The following ZNF510 variants were observed in gnomAD, a reference collection of about 807,000 sequenced individuals.
ZNF510 encodes the protein zinc finger protein 510.
In ZNF510, 15 loss-of-function variants were observed where a neutral mutation model predicts 18.1. The ratio of observed to expected loss-of-function variants is 0.83; its 90% CI spans 0.55 to 1.28. The LOEUF (loss-of-function observed/expected upper bound fraction) is 1.28. Ranked by LOEUF, ZNF510 falls within the 50% of genes most tolerant of loss-of-function variation. ZNF510 has a pLI of 0.00. For synonymous variants in ZNF510, 261 were observed against 266.4 expected (o/e 0.98, Z 0.20); for missense variants, 724 against 791.8 (o/e 0.91, Z 1.03).
chr9:96,767,466 T>C (rs1247036075), intron 3 of ZNF510, among the ~76,000 whole-genome samples: 5 of 152,210 alleles, frequency 3.3e-5, no homozygotes, highest in African/African-American at 1.2e-4. Context: ...GTGAAATTTA[T>C]AGCTGTAACA....
chr9:96,777,691 C>A (rs1290084564), intron 1 of ZNF510: 1 of 152,208 alleles, frequency 6.6e-6, no homozygotes, highest in African/African-American at 2.4e-5. Context: ...CCTCTCACCG[C>A]AGACCCACGG....
rs1411430211 is a variant in ZNF510 at position 96,756,559 on chromosome 9, C to T, written c.*2219G>A. On this transcript the variant is annotated 3_prime_UTR_variant, in exon 6 of 6. Coordinates refer to ENST00000223428, the MANE Select transcript of ZNF510 (RefSeq NM_014930.3). ...TCCTGAATGCCCCATTTTCATTCCA[C>T]AAGTGAGGCTTGCTGGGTCCTTTTC... is the stretch of plus-strand genomic sequence containing the variant. 6.6e-6 allele frequency: 1 copy of T among 152,250 alleles called. No individual in the cohort carries two copies. 9.4% of individuals were successfully genotyped at this position (152,250 alleles called of 1,614,324 possible).
chr9:96,762,518 AAAAAAG>A (rs1304800315), intron 5 of ZNF510, among the ~76,000 whole-genome samples: 4 of 150,598 alleles, frequency 2.7e-5, no homozygotes, highest in African/African-American at 7.5e-5. Context: ...CAAAAAAAAA[AAAAAAG>A]AAAAGAAAAA....
rs199865447 is a variant in ZNF510 at position 96,757,926 on chromosome 9, C to T, written c.*852G>A. On this transcript the variant is annotated 3_prime_UTR_variant, in exon 6 of 6. Coordinates refer to ENST00000223428, the MANE Select transcript of ZNF510 (RefSeq NM_014930.3). ...GTGACTAACTGGCAGATAGTGTATA[C>T]ACTGTGGATATGCTAGACTAAGGAA... 2.6e-5 allele frequency: 4 copies of T among 152,012 alleles called. No homozygotes were observed. Among genetic ancestry groups the T allele is most frequent in the African/African-American group, 9.7e-5 (4 of 41,440 alleles). 9.4% of individuals were successfully genotyped at this position (152,012 alleles called of 1,614,324 possible).
chr9:96,768,440 A>ATT (rs1849521096), intron 3 of ZNF510, among the ~76,000 whole-genome samples: 1 of 152,206 alleles, frequency 6.6e-6, no homozygotes, highest in Non-Finnish European at 1.5e-5. Flanking sequence ...AGACCATGAG[A>ATT]TTTAATACAT....
intron 3 of ZNF510, among the ~76,000 whole-genome samples, chr9:96,767,992 G>C (rs942162632): frequency 1.3e-5 from 2 of 152,052 alleles, no homozygotes; most frequent in African/African-American, 4.8e-5. Context: ...ACCAAATCTT[G>C]CAACAAATAA....
chr9:96,758,362 T>C lies in ZNF510; in HGVS notation c.*416A>G, dbSNP rs1588124430. On this transcript the variant is annotated 3_prime_UTR_variant, in exon 6 of 6. Transcript: ENST00000223428. ...TCAGACTGGGATGTGATATACATCA[T>C]GGACATCCACATCTTAGTAGCCAGT... The C allele has an allele frequency of 6.1e-6, 1 of 163,682 alleles. No individual in the cohort carries two copies. Among genetic ancestry groups the C allele is most frequent in the East Asian group, 1.8e-4 (1 of 5,596 alleles). The allele number at this position is 163,682 out of a possible 1,614,324, so 10.1% of individuals were successfully genotyped here.
At position 96,763,488 on chromosome 9, in the gene ZNF510, T is replaced by A; in HGVS notation, c.256+18A>T. The A allele has an allele frequency of 1.3e-6, 2 of 1,593,310 alleles. No individual in the cohort carries two copies. Among genetic ancestry groups the A allele is most frequent in the Non-Finnish European group, 1.7e-6 (2 of 1,172,858 alleles). On this transcript the variant is annotated intron_variant, in intron 4 of 5. Transcript: ENST00000223428. ...TTCTATATGGAGTTACAAGGGTAAG[T>A]TATGTTTACATGCTTACCCACTGAG...
In ZNF510 at chr9:96,756,445, G is replaced by C. The variant is rs1477714998; in HGVS notation, c.*2333C>G. ...AAGCCAGCAACTTTGCTTCGTTCTG[G>C]AAAGAGGTGATACATTATTTCCCTT... is the stretch of plus-strand genomic sequence containing the variant. On this transcript the variant is annotated 3_prime_UTR_variant, in exon 6 of 6. Coordinates refer to ENST00000223428, the MANE Select transcript of ZNF510 (RefSeq NM_014930.3). 2 of 152,148 alleles carry C rather than the reference G, an allele frequency of 1.3e-5. No homozygotes were observed. The highest frequency in any genetic ancestry group is 1.9e-4 in the East Asian group (1 of 5,182). The allele number at this position is 152,148 out of a possible 1,614,324, so 9.4% of individuals were successfully genotyped here. A position where few individuals can be genotyped will look rare whatever the true frequency, so the allele number is the denominator to read the frequency against.
Position 96,756,609 on chromosome 9 carries a change from A to G in ZNF510, c.*2169T>C, listed in dbSNP as rs1380025550. On this transcript the variant is annotated 3_prime_UTR_variant, in exon 6 of 6. Coordinates refer to ENST00000223428, the MANE Select transcript of ZNF510 (RefSeq NM_014930.3). ...CATTTTGTTAGTTGTTGAGTCCAAG[A>G]CGACAAACTCCTAAAGTGGAATTTT... 2 of 152,198 alleles carry G rather than the reference A, an allele frequency of 1.3e-5. No homozygotes were observed. Among genetic ancestry groups the G allele is most frequent in the Non-Finnish European group, 2.9e-5 (2 of 68,052 alleles). 9.4% of individuals were successfully genotyped at this position (152,198 alleles called of 1,614,324 possible).
chr9:96,769,437 CAA>C (rs71485393), intron 3 of ZNF510, among the ~76,000 whole-genome samples: 6 of 126,268 alleles, frequency 4.8e-5, no homozygotes, highest in Non-Finnish European at 6.7e-5. Context: ...ATTCCGTCTC[CAA>C]AAAAAAAAAA....
intron 3 of ZNF510, among the ~76,000 whole-genome samples, chr9:96,767,351 A>G (rs555060343): frequency 2.0e-4 from 31 of 152,136 alleles, no homozygotes; most frequent in Non-Finnish European, 3.8e-4. Flanking sequence ...AAAACAAAAC[A>G]AAACAAACCC....
In ZNF510 at chr9:96,758,658, A is replaced by G; in HGVS notation, c.*120T>C. ...CTTTCCTATGTGAATTCTCTGATTC[A>G]CAGTGAGGGTTTACTTCTGGGACTG... On this transcript the variant is annotated 3_prime_UTR_variant, in exon 6 of 6. Coordinates refer to ENST00000223428, the MANE Select transcript of ZNF510 (RefSeq NM_014930.3). The G allele has an allele frequency of 2.0e-6, 2 of 1,019,810 alleles. No homozygotes were observed. The highest frequency in any genetic ancestry group is 2.8e-6 in the Non-Finnish European group (2 of 716,460). 63.2% of individuals were successfully genotyped at this position (1,019,810 alleles called of 1,614,324 possible).
At chr9:96,769,437 C>CA (rs71485393) in intron 3 of ZNF510, among the ~76,000 whole-genome samples, 26,058 of 125,992 alleles carry the variant, frequency 0.21, 2,878 homozygotes, top group Non-Finnish European at 0.28. Flanking sequence ...ATTCCGTCTC[C>CA]AAAAAAAAAA....
Position 96,760,147 on chromosome 9 carries a change from T to G in ZNF510, c.683A>C (p.His228Pro), listed in dbSNP as rs371093613. Residue 228 changes from histidine to proline, a missense_variant, in exon 6 of 6, where the codon CAT becomes CCT. By Grantham distance (77) the His-to-Pro change is moderately conservative. Coordinates refer to ENST00000223428, the MANE Select transcript of ZNF510 (RefSeq NM_014930.3). ...ATTGAGAGCTTTCATGTTTTTATTA[T>G]GTTCATAAAATTTCTCTCCAGTCTG... ...KTQTGEKFYE[H>P]NKNMKALNYN... 5.6e-6 allele frequency: 9 copies of G among 1,611,484 alleles called. No homozygotes were observed. The highest frequency in any genetic ancestry group is 6.8e-6 in the Non-Finnish European group (8 of 1,179,210).
At position 96,755,544 on chromosome 9, in the gene ZNF510, G is replaced by A. The variant is rs541574682; in HGVS notation, c.*3234C>T. On this transcript the variant is annotated 3_prime_UTR_variant, in exon 6 of 6. Coordinates refer to ENST00000223428, the MANE Select transcript of ZNF510 (RefSeq NM_014930.3). ...TACAGTTACAATGTAACTGGCCTATGATATTCTATTTCTTAAGTCCTAAGA... is the reference window on the plus strand; with the variant it reads ...TACAGTTACAATGTAACTGGCCTATAATATTCTATTTCTTAAGTCCTAAGA... Among the ~76,000 whole-genome samples the A allele has an allele frequency of 2.6e-5, 4 of 152,232 alleles. No homozygotes were observed. The South Asian group carries it at 8.3e-4, about 32-fold the overall frequency.
At position 96,776,018 on chromosome 9, in the gene ZNF510, C is replaced by T. The variant is rs768561598; in HGVS notation, c.52G>A (p.Gly18Ser). ...ITDCVTLNTV[G>S]QLAEGGYPLR... Reference sequence around the variant, plus strand: ...AGCTTACCACCTTCTGCAAGTTGGCCCACAGTGTTCAGTGTCACACAATCT... The same window carrying T: ...AGCTTACCACCTTCTGCAAGTTGGCTCACAGTGTTCAGTGTCACACAATCT... Residue 18 changes from glycine (G) to serine (S), a missense_variant, in exon 2 of 6, where the codon GGC becomes AGC. Coordinates refer to ENST00000223428, the MANE Select transcript of ZNF510 (RefSeq NM_014930.3). The T allele has an allele frequency of 5.0e-5, 81 of 1,609,120 alleles. No individual in the cohort carries two copies. The highest frequency in any genetic ancestry group is 6.4e-5 in the Non-Finnish European group (75 of 1,177,808).
At chr9:96,775,499 A>C (rs1849677374) in intron 2 of ZNF510, among the ~76,000 whole-genome samples, 1 of 152,172 alleles carries the variant, frequency 6.6e-6, no homozygotes, top group Non-Finnish European at 1.5e-5. Context: ...AAAACACAAA[A>C]CTGAAAAAAA....
intron 3 of ZNF510, among the ~76,000 whole-genome samples, chr9:96,765,012 C>CTG (rs1187115608): frequency 6.6e-6 from 1 of 152,032 alleles, no homozygotes; most frequent in African/African-American, 2.4e-5. Flanking sequence ...ACTCAGGAGG[C>CTG]TGAGGCAGGA....
Sources: gnomAD v4.1 joint callset for allele counts (sites outside exome capture counted in the v4.1 genomes callset) on GRCh38, gnomAD v4.1.1 for gene constraint, MANE v1.5 for transcripts, NCBI Gene and HGNC (gene_info 2026-07-23, HGNC 2026-07-21) for gene names.